The following TRHDE variants were observed in gnomAD, a reference collection of about 807,000 sequenced individuals.
TRHDE encodes the protein thyrotropin releasing hormone degrading enzyme, also known as thyrotropin-releasing hormone-degrading ectoenzyme.
TRHDE carries 72 observed loss-of-function variants against 125.7 expected under a neutral mutation model. The observed-to-expected ratio is 0.57, with a 90% CI of 0.47 to 0.70. The LOEUF is 0.70. Among genes scored for constraint, TRHDE ranks in the 30% least tolerant of loss-of-function variants. TRHDE has a pLI of 0.00. For missense variants in TRHDE, 1,110 were observed against 1,327.1 expected, an observed-to-expected ratio of 0.84 and a Z score of 2.54; for synonymous variants, 509 against 509.1, an observed-to-expected ratio of 1.00 and a Z score of 0.00.
intron 9 of TRHDE, among the ~76,000 whole-genome samples, chr12:72,564,636 T>C (rs1239461838): frequency 1.4e-5 from 2 of 145,200 alleles, no homozygotes; most frequent in East Asian, 2.0e-4. Flanking sequence ...TCTGGAATTA[T>C]AAAATCATGC....
intron 2 of TRHDE, among the ~76,000 whole-genome samples, chr12:72,251,446 C>G (rs1878682129): frequency 7.0e-6 from 1 of 142,942 alleles, no homozygotes; most frequent in South Asian, 2.2e-4. Flanking sequence ...TTTCACTCAG[C>G]ACAATTACCT....
intron 6 of TRHDE, among the ~76,000 whole-genome samples, chr12:72,500,056 C>G (rs566228901): frequency 2.4e-4 from 36 of 152,152 alleles, no homozygotes; most frequent in African/African-American, 7.7e-4. Context: ...ATGATGCATG[C>G]ATCTTATAAA....
chr12:72,535,767 A>G (rs1291192608), intron 6 of TRHDE, among the ~76,000 whole-genome samples: 1 of 152,132 alleles, frequency 6.6e-6, no homozygotes, highest in South Asian at 2.1e-4. Flanking sequence ...ATACCAAAAG[A>G]CATGCTTCAG....
chr12:72,585,634 A>G (rs1228636376), intron 12 of TRHDE, among the ~76,000 whole-genome samples: 1 of 152,218 alleles, frequency 6.6e-6, no homozygotes. Flanking sequence ...GACAGAAACT[A>G]CTTGCTTTTT....
At chr12:72,178,711 A>T (rs1877038754) in intron 2 of TRHDE, among the ~76,000 whole-genome samples, 1 of 152,100 alleles carries the variant, frequency 6.6e-6, no homozygotes, top group Non-Finnish European at 1.5e-5. Context: ...TTTAAAAGTT[A>T]TCACTTTCTA....
chr12:72,593,461 G>T lies in TRHDE; in HGVS notation c.2321+17919G>T, dbSNP rs113223624. On this transcript the variant is annotated intron_variant, in intron 12 of 18. Transcript: ENST00000261180. ...ATTCAGTGATACATTTATGCTCATTGGGACAATAATGAATATTATACAGGT... is the reference window on the plus strand; with the variant it reads ...ATTCAGTGATACATTTATGCTCATTTGGACAATAATGAATATTATACAGGT... Among the ~76,000 whole-genome samples, 874 of 151,974 alleles carry T rather than the reference G, an allele frequency of 5.8e-3. 6 individuals are homozygous for T. Among genetic ancestry groups the T allele is most frequent in the African/African-American group, 0.02 (812 of 41,462 alleles).
At chr12:72,513,363 C>A (rs7137054) in intron 6 of TRHDE, among the ~76,000 whole-genome samples, 4 of 151,810 alleles carry the variant, frequency 2.6e-5, no homozygotes, top group Non-Finnish European at 5.9e-5. Context: ...TCTCTTTGGC[C>A]CAAGTATTAT....
chr12:72,364,970 A>G (rs538761077), intron 2 of TRHDE, among the ~76,000 whole-genome samples: 24 of 152,204 alleles, frequency 1.6e-4, no homozygotes, highest in Admixed American at 1.4e-3. Context: ...GTGCAGTTCA[A>G]TTTTCTACAA....
In TRHDE at chr12:72,562,212, C is replaced by T; in HGVS notation, c.1836C>T (p.Leu612=). ...ATGGTAATGCAGCCAGAAATGATCT[C>T]TGGAATACATTATCGGAGGTAAAGT... The part of the protein sequence containing the change: ...HKYGNAARND[L]WNTLSEALKR... Residue 612 remains leucine, a synonymous_variant, in exon 8 of 19, where the codon CTC becomes CTT. Coordinates refer to ENST00000261180, the MANE Select transcript of TRHDE (RefSeq NM_013381.3). 1 of 1,554,718 alleles carries T rather than the reference C, an allele frequency of 6.4e-7. No homozygotes were observed. Among genetic ancestry groups the T allele is most frequent in the Non-Finnish European group, 8.8e-7 (1 of 1,132,304 alleles).
At chr12:72,372,315 G>A (rs1180114332) in intron 2 of TRHDE, among the ~76,000 whole-genome samples, 5 of 151,936 alleles carry the variant, frequency 3.3e-5, no homozygotes, top group East Asian at 3.9e-4. Context: ...AGTAGGTTGC[G>A]AAAATTTTCT....
chr12:72,557,979 A>T (rs1213727379), intron 7 of TRHDE, among the ~76,000 whole-genome samples: 1 of 152,020 alleles, frequency 6.6e-6, no homozygotes, highest in Non-Finnish European at 1.5e-5. Flanking sequence ...ACACACACAC[A>T]TACATGCTCT....
At chr12:72,134,025 T>G (rs115819601) in intron 2 of TRHDE, among the ~76,000 whole-genome samples, 5,371 of 152,308 alleles carry the variant, frequency 0.035, 165 homozygotes, top group African/African-American at 0.086. Context: ...TTAGTTTGCC[T>G]GGTCCTGGGT....
intron 5 of TRHDE, among the ~76,000 whole-genome samples, chr12:72,493,418 T>C (rs1234480025): frequency 6.6e-6 from 1 of 151,890 alleles, no homozygotes; most frequent in Admixed American, 6.6e-5. Flanking sequence ...TAGAGCTAAG[T>C]TTTAAAGAAA....
intron 13 of TRHDE, among the ~76,000 whole-genome samples, chr12:72,620,805 T>A (rs561227383): frequency 6.6e-6 from 1 of 152,238 alleles, no homozygotes; most frequent in South Asian, 2.1e-4. Flanking sequence ...GTTATCAATA[T>A]TCTTTGTTTT....
intron 6 of TRHDE, among the ~76,000 whole-genome samples, chr12:72,540,116 A>T (rs1869069886): frequency 6.6e-6 from 1 of 151,844 alleles, no homozygotes; most frequent in African/African-American, 2.4e-5. Flanking sequence ...AAACCATGAC[A>T]GTTGGAGAGC....
At chr12:72,293,198 GTTT>G (rs551447909) in intron 2 of TRHDE, among the ~76,000 whole-genome samples, 1 of 144,310 alleles carries the variant, frequency 6.9e-6, no homozygotes, top group African/African-American at 2.5e-5. Context: ...GGGAATATTT[GTTT>G]TTTTTTTTGC....
At chr12:72,568,723 G>A in intron 10 of TRHDE, 67 bp downstream of exon 10, 1 of 1,050,406 alleles carries the variant, frequency 9.5e-7, no homozygotes. Flanking sequence ...CTTAACCTCT[G>A]GTTTCAGCTG....
At chr12:72,607,482 G>A (rs1872493514) in intron 12 of TRHDE, among the ~76,000 whole-genome samples, 1 of 151,586 alleles carries the variant, frequency 6.6e-6, no homozygotes, top group Admixed American at 6.6e-5. Flanking sequence ...GAAACTTGCT[G>A]TTGTTTACTA....
At chr12:72,457,669 A>AG (rs1181407326) in intron 3 of TRHDE, among the ~76,000 whole-genome samples, 1 of 151,986 alleles carries the variant, frequency 6.6e-6, no homozygotes, top group Non-Finnish European at 1.5e-5. Context: ...ATATGTTTGC[A>AG]TTTTTTATTG....
Sources: gnomAD v4.1 joint callset for allele counts (sites outside exome capture counted in the v4.1 genomes callset) on GRCh38, gnomAD v4.1.1 for gene constraint, MANE v1.5 for transcripts, NCBI Gene and HGNC (gene_info 2026-07-23, HGNC 2026-07-21) for gene names.